PXDN: variants seen among roughly 807,000 people sequenced by gnomAD.
PXDN encodes the protein peroxidasin.
PXDN carries 77 observed loss-of-function variants against 140.3 expected under a neutral mutation model. The observed-to-expected ratio is 0.55, with a 90% CI of 0.46 to 0.66. The LOEUF is 0.66. PXDN is among the 30% of genes least tolerant of loss of function. The probability of loss-of-function intolerance (pLI) is 0.00; values close to 1 mark genes in which losing one functional copy is unlikely to be tolerated. For missense variants in PXDN, 1,838 were observed against 2,039.5 expected (o/e 0.90, Z 1.90); for synonymous variants, 911 against 857.4 (o/e 1.06, Z -1.09).
In PXDN at chr2:1,661,180, T is replaced by C. The variant is rs544871292; in HGVS notation, c.1681-143A>G. 7.3e-6 allele frequency: 7 copies of C among 961,390 alleles called. No homozygotes were observed. The South Asian group carries it at 8.5e-5, about 12-fold the overall frequency. 59.6% of individuals were successfully genotyped at this position (961,390 alleles called of 1,614,324 possible). A position where few individuals can be genotyped will look rare whatever the true frequency, so the allele number is the denominator to read the frequency against. On this transcript the variant is annotated intron_variant, in intron 13 of 22. Coordinates refer to ENST00000252804, the MANE Select transcript of PXDN (RefSeq NM_012293.3). ...GGCTGCGCTCAGATCCATCCAGGCC[T>C]GGAAAGCGAAGGAGATGTGGTCAGT...
chr2:1,635,263 T>C (rs541302229), intron 22 of PXDN, 145 bp downstream of exon 22: 7 of 731,138 alleles, frequency 9.6e-6, no homozygotes, highest in African/African-American at 3.5e-5. Context: ...GGTGCTTCCA[T>C]AGGAGTGAAG....
chr2:1,743,339 C>T lies in PXDN; in HGVS notation c.200+917G>A, dbSNP rs1685591492. Among the ~76,000 whole-genome samples the T allele has an allele frequency of 2.0e-5, 3 of 152,236 alleles. No individual in the cohort carries two copies. In the South Asian group the frequency reaches 6.2e-4, roughly 31 times the overall value. On this transcript the variant is annotated intron_variant, in intron 1 of 22. Transcript: ENST00000252804. ...AGAAGAGAAATGCCCGAGGCAGAAACCCGCTCTGAGTCCCGGCTCCATCTA... is the reference window on the plus strand; with the variant it reads ...AGAAGAGAAATGCCCGAGGCAGAAATCCGCTCTGAGTCCCGGCTCCATCTA...
intron 17 of PXDN, among the ~76,000 whole-genome samples, chr2:1,645,307 C>T (rs1682825302): frequency 6.6e-6 from 1 of 152,198 alleles, no homozygotes; most frequent in South Asian, 2.1e-4. Context: ...TTTTCATCGA[C>T]TTCTTCCAAT....
At chr2:1,664,755 C>A (rs1683390988) in intron 11 of PXDN, 2 of 551,090 alleles carry the variant, frequency 3.6e-6, no homozygotes, top group African/African-American at 3.8e-5. Flanking sequence ...CCATGATGTC[C>A]ATGAGGGACG....
chr2:1,684,982 A>T (rs1231787838), intron 4 of PXDN, among the ~76,000 whole-genome samples: 1 of 152,184 alleles, frequency 6.6e-6, no homozygotes, highest in African/African-American at 2.4e-5. Flanking sequence ...AGGAGGCCAA[A>T]ATGAGCAAAG....
intron 17 of PXDN, 76 bp from the exon 18 acceptor site, chr2:1,644,828 G>T: frequency 1.5e-6 from 2 of 1,291,450 alleles, no homozygotes; most frequent in Non-Finnish European, 2.0e-6. Flanking sequence ...TATAAAAACA[G>T]TTCTTTCTTT....
chr2:1,637,059 T>C (rs1289106796), intron 21 of PXDN: 1 of 152,272 alleles, frequency 6.6e-6, no homozygotes, highest in African/African-American at 2.4e-5. Context: ...AAGTCCAGCA[T>C]TGTGGACAGA....
Position 1,648,973 on chromosome 2 carries a change from A to C in PXDN, c.2807T>G (p.Leu936Arg), listed in dbSNP as rs772789975. The change falls in exon 17 of 23, where the codon CTG becomes CGG. Residue 936 changes from leucine (L) to arginine (R), a missense_variant. This residue lies in a region of PXDN where 850 missense variants were observed against 894.1 expected (regional missense o/e 0.95). Transcript: ENST00000252804. This position sits in a 1 kb window ranked among gnomAD's most constrained non-coding sequence, Gnocchi z 8.9. ...GGACCGCTGCACGATGCCCTGCCGC[A>C]GCAGGCCGCGGTGGCTGGCCAGGTC... The part of the protein sequence containing the change: ...IRDLASHRGL[L>R]RQGIVQRSGK... 6.2e-7 allele frequency: 1 copy of C among 1,605,050 alleles called. No homozygotes were observed. The highest frequency in any genetic ancestry group is 8.5e-7 in the Non-Finnish European group (1 of 1,176,056).
At chr2:1,698,449 G>C (rs1230487210) in intron 1 of PXDN, among the ~76,000 whole-genome samples, 1 of 152,108 alleles carries the variant, frequency 6.6e-6, no homozygotes, top group East Asian at 1.9e-4. Flanking sequence ...GGAAATGGTC[G>C]AGCACACTAA....
chr2:1,686,400 C>T (rs1368647443), intron 4 of PXDN, among the ~76,000 whole-genome samples: 1 of 148,162 alleles, frequency 6.7e-6, no homozygotes, highest in Non-Finnish European at 1.5e-5. Context: ...CACAGATGCC[C>T]TTCCTCATTC....
chr2:1,664,155 T>C, intron 11 of PXDN: 1 of 179,596 alleles, frequency 5.6e-6, no homozygotes, highest in Non-Finnish European at 1.2e-5. Flanking sequence ...ACCTCTCCTG[T>C]TCTTGCCCAT....
chr2:1,696,495 T>C (rs1324204817), intron 1 of PXDN, among the ~76,000 whole-genome samples: 1 of 152,234 alleles, frequency 6.6e-6, no homozygotes, highest in African/African-American at 2.4e-5. Context: ...AAAAATATAA[T>C]AGCTGAAATG....
In PXDN at chr2:1,664,251, C is replaced by T. The variant is rs182972000; in HGVS notation, c.1409-488G>A. The T allele has an allele frequency of 2.6e-3, 418 of 161,142 alleles. 6 individuals are homozygous for T. The highest frequency in any genetic ancestry group is 9.6e-3 in the African/African-American group (401 of 41,734). 10.0% of individuals were successfully genotyped at this position (161,142 alleles called of 1,614,324 possible). A position where few individuals can be genotyped will look rare whatever the true frequency, so the allele number is the denominator to read the frequency against. Reference sequence around the variant, plus strand: ...GACTTTCAGGAGCCCTGGGTGGGGCCCCTCAGAGGGCTGAAGGGATGGGCT... The same window carrying T: ...GACTTTCAGGAGCCCTGGGTGGGGCTCCTCAGAGGGCTGAAGGGATGGGCT... On this transcript the variant is annotated intron_variant, in intron 11 of 22. Transcript: ENST00000252804.
intron 21 of PXDN, among the ~76,000 whole-genome samples, chr2:1,638,613 G>C (rs887328568): frequency 2.6e-5 from 4 of 152,188 alleles, no homozygotes; most frequent in Non-Finnish European, 5.9e-5. Flanking sequence ...CCGTGACACA[G>C]ATTGCCCCTG....
chr2:1,722,316 G>A (rs1008468104), intron 1 of PXDN, among the ~76,000 whole-genome samples: 3 of 152,186 alleles, frequency 2.0e-5, no homozygotes, highest in Admixed American at 6.5e-5. Context: ...TGATGCTGAC[G>A]CAGTCTCCTC....
chr2:1,708,160 G>C (rs62116634), intron 1 of PXDN, among the ~76,000 whole-genome samples: 35,090 of 152,222 alleles, frequency 0.23, 4,150 homozygotes, highest in East Asian at 0.35. Context: ...AGCTGAGATC[G>C]TGGGGCTGGG....
intron 1 of PXDN, among the ~76,000 whole-genome samples, chr2:1,731,833 TTG>T (rs1160573771): frequency 6.6e-6 from 1 of 152,190 alleles, no homozygotes; most frequent in Non-Finnish European, 1.5e-5. Context: ...GGTTCTGCCA[TTG>T]TTCAGGACAC....
At chr2:1,743,779 G>C (rs1685615238) in intron 1 of PXDN, among the ~76,000 whole-genome samples, 3 of 143,722 alleles carry the variant, frequency 2.1e-5, no homozygotes, top group South Asian at 4.5e-4. Flanking sequence ...GGCGGAGGGG[G>C]CTGGGAGGAC....
At chr2:1,721,309 G>A (rs1200295431) in intron 1 of PXDN, among the ~76,000 whole-genome samples, 3 of 152,176 alleles carry the variant, frequency 2.0e-5, no homozygotes, top group Admixed American at 1.3e-4. Flanking sequence ...ACAACTGAAC[G>A]GGAATAGTTT....
Sources: gnomAD v4.1 joint callset for allele counts (sites outside exome capture counted in the v4.1 genomes callset) on GRCh38, gnomAD v4.1.1 for gene constraint, gnomAD v4.1.1 regional missense constraint, Gnocchi (gnomAD v3.1) non-coding constraint, MANE v1.5 for transcripts, NCBI Gene and HGNC (gene_info 2026-07-23, HGNC 2026-07-21) for gene names.